USP25: variants seen among roughly 807,000 people sequenced by gnomAD.
USP25 encodes ubiquitin specific peptidase 25.
Under a neutral mutation model 158.5 loss-of-function variants are expected in USP25, and 85 were observed. The ratio of observed to expected loss-of-function variants is 0.54; its 90% CI spans 0.45 to 0.64. The LOEUF (loss-of-function observed/expected upper bound fraction) is 0.64. Ranked by LOEUF, USP25 falls within the 30% of genes least tolerant of loss-of-function variation. The probability of loss-of-function intolerance (pLI) is 0.00; values close to 1 mark genes in which losing one functional copy is unlikely to be tolerated. For synonymous variants in USP25, 464 were observed against 460.4 expected (o/e 1.01, Z -0.10); for missense variants, 1,242 against 1,327.3 (o/e 0.94, Z 1.00).
chr21:15,766,399 A>T lies in USP25; in HGVS notation c.268+258A>T, dbSNP rs1048702111. On this transcript the variant is annotated intron_variant, in intron 3 of 25. Coordinates refer to ENST00000400183, the MANE Select transcript of USP25 (RefSeq NM_001283041.3). The surrounding 1 kb of genome is among the most constrained non-coding windows in gnomAD (Gnocchi z 4.0). ...GTTTTGAAATATGGAATAGCTGCAG[A>T]TATATTCATAAAAGGAAGAACTAGA... Among the ~76,000 whole-genome samples the T allele has an allele frequency of 3.9e-5, 6 of 152,096 alleles. No homozygotes were observed. Among genetic ancestry groups the T allele is most frequent in the Non-Finnish European group, 8.8e-5 (6 of 67,982 alleles).
At chr21:15,752,723 C>T (rs1395170992) in intron 1 of USP25, among the ~76,000 whole-genome samples, 2 of 152,226 alleles carry the variant, frequency 1.3e-5, no homozygotes, top group East Asian at 3.9e-4. Flanking sequence ...TGTTTTAGCT[C>T]TGGAATTCTA....
intron 14 of USP25, among the ~76,000 whole-genome samples, chr21:15,829,667 AAGTTT>A (rs2037702051): frequency 6.6e-6 from 1 of 152,164 alleles, no homozygotes; most frequent in South Asian, 2.1e-4. Context: ...ACTTAATAGA[AAGTTT>A]AATGTATTGT....
At chr21:15,761,807 A>G (rs1272354470) in intron 1 of USP25, among the ~76,000 whole-genome samples, 1 of 152,136 alleles carries the variant, frequency 6.6e-6, no homozygotes, top group East Asian at 1.9e-4. Flanking sequence ...TTCCAAGTGT[A>G]CTTTACTTCC....
At chr21:15,754,784 A>C (rs2033266575) in intron 1 of USP25, among the ~76,000 whole-genome samples, 1 of 152,226 alleles carries the variant, frequency 6.6e-6, no homozygotes, top group Non-Finnish European at 1.5e-5. Context: ...AGTTGAGGGA[A>C]ATGAAAGATC....
At chr21:15,829,676 G>A (rs1018392804) in intron 14 of USP25, among the ~76,000 whole-genome samples, 4 of 152,232 alleles carry the variant, frequency 2.6e-5, no homozygotes, top group South Asian at 2.1e-4. Context: ...AAAGTTTAAT[G>A]TATTGTGGAT....
intron 9 of USP25, among the ~76,000 whole-genome samples, chr21:15,813,802 G>GC (rs2146306008): frequency 6.6e-6 from 1 of 152,062 alleles, no homozygotes; most frequent in African/African-American, 2.4e-5. Context: ...ATTAAACCTA[G>GC]CCCCAGTTTA....
At chr21:15,872,018 T>G (rs58349731) in intron 23 of USP25, among the ~76,000 whole-genome samples, 3,690 of 133,774 alleles carry the variant, frequency 0.028, 130 homozygotes, top group East Asian at 0.086. Flanking sequence ...AATACTGTTT[T>G]TTTTTTTTTT....
At chr21:15,866,218 TATAC>T (rs1568909896) in intron 21 of USP25, 44 bp from the exon 22 acceptor site, 37 of 1,179,430 alleles carry the variant, frequency 3.1e-5, no homozygotes, top group South Asian at 3.9e-5. Flanking sequence ...TATATATATA[TATAC>T]ACACACATAC....
At chr21:15,800,536 TAA>T (rs377342923) in intron 6 of USP25, among the ~76,000 whole-genome samples, 32 of 138,942 alleles carry the variant, frequency 2.3e-4, no homozygotes, top group African/African-American at 6.1e-4. Flanking sequence ...TAAAAAAAAT[TAA>T]AAAAAAAAAA....
At chr21:15,739,401 A>AT (rs1161565081) in intron 1 of USP25, among the ~76,000 whole-genome samples, 1 of 151,964 alleles carries the variant, frequency 6.6e-6, no homozygotes, top group Non-Finnish European at 1.5e-5. Context: ...GCTTGCAGGT[A>AT]TTTTTTCTTT....
chr21:15,759,857 T>C (rs1052222602), intron 1 of USP25, among the ~76,000 whole-genome samples: 1 of 152,210 alleles, frequency 6.6e-6, no homozygotes, highest in Admixed American at 6.5e-5. Flanking sequence ...GTATAAAAAC[T>C]GATAGGTTTA....
At chr21:15,854,552 TC>T (rs1249919761) in intron 20 of USP25, among the ~76,000 whole-genome samples, 1 of 152,190 alleles carries the variant, frequency 6.6e-6, no homozygotes, top group East Asian at 1.9e-4. Flanking sequence ...GCTTTTTAAC[TC>T]TGTGCCTGTT....
chr21:15,737,836 T>C (rs1181351203), intron 1 of USP25, among the ~76,000 whole-genome samples: 1 of 152,090 alleles, frequency 6.6e-6, no homozygotes, highest in Non-Finnish European at 1.5e-5. Context: ...TTTGGACTTT[T>C]TTTTTTTTCC....
At chr21:15,773,791 A>T (rs559462068) in intron 3 of USP25, among the ~76,000 whole-genome samples, 9 of 152,214 alleles carry the variant, frequency 5.9e-5, no homozygotes, top group Non-Finnish European at 1.2e-4. Context: ...ATTAGTTCAT[A>T]TTAAAATGTC....
At chr21:15,774,952 T>C (rs980478401) in intron 3 of USP25, among the ~76,000 whole-genome samples, 1 of 152,190 alleles carries the variant, frequency 6.6e-6, no homozygotes, top group Non-Finnish European at 1.5e-5. Context: ...AGTATTATTT[T>C]TTTATTTAAG....
At chr21:15,847,553 G>A (rs1215856568) in intron 18 of USP25, 110 bp from the exon 19 acceptor site, 11 of 679,526 alleles carry the variant, frequency 1.6e-5, no homozygotes, top group Admixed American at 4.9e-5. Context: ...TAAGTCATAT[G>A]GATACAGGGC....
intron 10 of USP25, among the ~76,000 whole-genome samples, chr21:15,821,565 G>A (rs1204504074): frequency 6.6e-6 from 1 of 151,862 alleles, no homozygotes; most frequent in Non-Finnish European, 1.5e-5. Context: ...CAAAATTAGA[G>A]AAACAATATC....
At chr21:15,775,952 C>T (rs886728950) in intron 3 of USP25, among the ~76,000 whole-genome samples, 1 of 151,992 alleles carries the variant, frequency 6.6e-6, no homozygotes, top group Non-Finnish European at 1.5e-5. Context: ...TAATCACACA[C>T]CTAAACCCTG....
chr21:15,805,404 G>A, intron 7 of USP25, 146 bp downstream of exon 7: 1 of 768,480 alleles, frequency 1.3e-6, no homozygotes, highest in East Asian at 3.4e-5. Context: ...ACATTTGGGA[G>A]ACTTTTAAGA....
Sources: gnomAD v4.1 joint callset for allele counts (sites outside exome capture counted in the v4.1 genomes callset) on GRCh38, gnomAD v4.1.1 for gene constraint, Gnocchi (gnomAD v3.1) non-coding constraint, MANE v1.5 for transcripts, NCBI Gene and HGNC (gene_info 2026-07-23, HGNC 2026-07-21) for gene names.